The following RAB40B variants were observed in gnomAD, a reference collection of about 807,000 sequenced individuals.
RAB40B encodes the protein RAB40B, member RAS oncogene family.
In RAB40B, 21 loss-of-function variants were observed where a neutral mutation model predicts 24.0. That is an observed-to-expected ratio of 0.88 (90% CI 0.62 to 1.26). The LOEUF (loss-of-function observed/expected upper bound fraction) is 1.26. Among genes scored for constraint, RAB40B ranks in the 50% most tolerant of loss-of-function variants. The pLI, the probability that RAB40B is intolerant of heterozygous loss-of-function variation, is 0.00. For missense variants in RAB40B, 348 were observed against 390.5 expected, an observed-to-expected ratio of 0.89 and a Z score of 0.92; for synonymous variants, 167 against 169.8, an observed-to-expected ratio of 0.98 and a Z score of 0.13.
At position 82,698,689 on chromosome 17, in the gene RAB40B, G is replaced by C. The variant is rs2046639920; in HGVS notation, c.-93C>G. 7 of 994,982 alleles carry C rather than the reference G, an allele frequency of 7.0e-6. No individual in the cohort carries two copies. In the South Asian group the frequency reaches 3.2e-4, roughly 45 times the overall value. The allele number at this position is 994,982 out of a possible 1,614,324, so 61.6% of individuals were successfully genotyped here. A position where few individuals can be genotyped will look rare whatever the true frequency, so the allele number is the denominator to read the frequency against. On this transcript the variant is annotated 5_prime_UTR_variant, in exon 1 of 6. Coordinates refer to ENST00000571995, the MANE Select transcript of RAB40B (RefSeq NM_006822.3). ...CCGAGAGGCGCCGCGCGGGCCCCGA[G>C]TCCTTGCTCGCCTCCGGCCCCGCCC...
chr17:82,665,899 A>C (rs960730527), intron 1 of RAB40B, among the ~76,000 whole-genome samples: 12 of 152,024 alleles, frequency 7.9e-5, no homozygotes, highest in East Asian at 1.9e-4. Context: ...ACAAAAAAAA[A>C]AAAAAAAAAA....
chr17:82,673,820 A>G (rs1244809193), intron 1 of RAB40B, among the ~76,000 whole-genome samples: 1 of 151,984 alleles, frequency 6.6e-6, no homozygotes, highest in South Asian at 2.1e-4. Context: ...AATTTTGGGG[A>G]ACTTTCTTGG....
chr17:82,665,057 T>G (rs1423318194), intron 1 of RAB40B, among the ~76,000 whole-genome samples: 1 of 152,172 alleles, frequency 6.6e-6, no homozygotes, highest in East Asian at 1.9e-4. Context: ...AAGACAGACG[T>G]GACGCTGCGT....
intron 1 of RAB40B, among the ~76,000 whole-genome samples, chr17:82,690,325 G>T (rs752726237): frequency 6.6e-6 from 1 of 150,796 alleles, no homozygotes; most frequent in Non-Finnish European, 1.5e-5. Context: ...GTGTGCATGT[G>T]TGTTCCTGGG....
chr17:82,696,769 C>T (rs1389220335), intron 1 of RAB40B: 2 of 153,306 alleles, frequency 1.3e-5, no homozygotes, highest in East Asian at 2.0e-4. Flanking sequence ...CCTCCAGGCG[C>T]TCAATCTCCA....
At chr17:82,666,706 A>G (rs764678758) in intron 1 of RAB40B, among the ~76,000 whole-genome samples, 25 of 152,152 alleles carry the variant, frequency 1.6e-4, no homozygotes, top group Non-Finnish European at 3.1e-4. Context: ...GTTTGAGTTA[A>G]GGGGCTGGAG....
In RAB40B at chr17:82,659,632, G is replaced by A. The variant is rs1251931157; in HGVS notation, c.290C>T (p.Ala97Val). Residue 97 changes from alanine (A) to valine (V), a missense_variant, in exon 4 of 6, where the codon GCG becomes GTG. Ala to Val is a moderately conservative substitution (Grantham distance 64). Coordinates refer to ENST00000571995, the MANE Select transcript of RAB40B (RefSeq NM_006822.3). ...AQGVILVYDI[A>V]NRWSFDGIDR... The stretch of plus-strand genomic sequence containing the variant: ...AATGCCGTCAAAAGACCAGCGGTTC[G>A]CAATGTCATAGACCAGGATCACACC... The A allele has an allele frequency of 6.8e-6, 11 of 1,614,156 alleles. No individual in the cohort carries two copies. The highest frequency in any genetic ancestry group is 8.5e-6 in the Non-Finnish European group (10 of 1,180,028).
At position 82,659,846 on chromosome 17, in the gene RAB40B, A is replaced by G. The variant is rs1302330111; in HGVS notation, c.265-189T>C. 2.3e-5 allele frequency: 13 copies of G among 569,056 alleles called. No homozygotes were observed. In the East Asian group the frequency reaches 4.0e-4, roughly 18 times the overall value. 35.3% of individuals were successfully genotyped at this position (569,056 alleles called of 1,614,324 possible). A position where few individuals can be genotyped will look rare whatever the true frequency, so the allele number is the denominator to read the frequency against. ...TGATATTTCATAAGCTCAGTGATAA[A>G]CCCTCAAATGTCACGGTGATCTGGG... On this transcript the variant is annotated intron_variant, in intron 3 of 5. Coordinates refer to ENST00000571995, the MANE Select transcript of RAB40B (RefSeq NM_006822.3).
intron 1 of RAB40B, among the ~76,000 whole-genome samples, chr17:82,691,761 C>G (rs2046560329): frequency 6.6e-6 from 1 of 152,232 alleles, no homozygotes; most frequent in Admixed American, 6.5e-5. Flanking sequence ...GTTGGAAGCA[C>G]CAGCTGGGGT....
chr17:82,677,698 A>G (rs2143518778), intron 1 of RAB40B, among the ~76,000 whole-genome samples: 1 of 152,330 alleles, frequency 6.6e-6, no homozygotes, highest in South Asian at 2.1e-4. Flanking sequence ...TTCCAGGCAC[A>G]GGTGGCCTGG....
intron 1 of RAB40B, among the ~76,000 whole-genome samples, chr17:82,693,015 T>C (rs555730207): frequency 6.6e-6 from 1 of 151,988 alleles, no homozygotes. Flanking sequence ...TTTTTCTTTT[T>C]TTTTGGAGAC....
chr17:82,687,236 A>G (rs1307808996), intron 1 of RAB40B, among the ~76,000 whole-genome samples: 1 of 152,248 alleles, frequency 6.6e-6, no homozygotes, highest in Non-Finnish European at 1.5e-5. Context: ...CTTTATTTCC[A>G]GATGAATTTT....
intron 1 of RAB40B, among the ~76,000 whole-genome samples, chr17:82,695,010 G>T (rs2046594143): frequency 6.6e-6 from 1 of 151,738 alleles, no homozygotes; most frequent in African/African-American, 2.4e-5. Context: ...GGTGAGCACT[G>T]ACTGTATTTA....
At chr17:82,684,851 C>A (rs1207466469) in intron 1 of RAB40B, among the ~76,000 whole-genome samples, 1 of 152,108 alleles carries the variant, frequency 6.6e-6, no homozygotes, top group East Asian at 1.9e-4. Context: ...CGGTGGCCCA[C>A]GCCTGTAATC....
At chr17:82,685,806 CTTT>C (rs36094405) in intron 1 of RAB40B, among the ~76,000 whole-genome samples, 5,505 of 136,936 alleles carry the variant, frequency 0.04, 172 homozygotes, top group East Asian at 0.14. Flanking sequence ...TCTTCTTCTT[CTTT>C]TTTTTTTTTT....
rs2046199745 is a variant in RAB40B at position 82,663,285 on chromosome 17, C to T, written c.203+1211G>A. 6.6e-6 allele frequency among the ~76,000 whole-genome samples: 1 copy of T among 152,018 alleles called. No individual in the cohort carries two copies. The highest frequency in any genetic ancestry group is 2.4e-5 in the African/African-American group (1 of 41,358). ...AGGTAAGAGAAGGGGGTCCCAGCTG[C>T]TGGAGGCACACGTGGCTCGGGGGTG... is the stretch of plus-strand genomic sequence containing the variant. On this transcript the variant is annotated intron_variant, in intron 2 of 5. Transcript: ENST00000571995. The surrounding 1 kb of genome is among the most constrained non-coding windows in gnomAD (Gnocchi z 6.2).
intron 1 of RAB40B, among the ~76,000 whole-genome samples, chr17:82,690,816 CAG>C (rs1163886204): frequency 6.6e-6 from 1 of 151,164 alleles, no homozygotes; most frequent in Admixed American, 6.6e-5. Context: ...TCCTGGGGAA[CAG>C]AGAGTGTGCA....
intron 1 of RAB40B, among the ~76,000 whole-genome samples, chr17:82,690,482 G>A (rs1471020408): frequency 7.8e-5 from 10 of 127,736 alleles, no homozygotes; most frequent in South Asian, 2.8e-4. Context: ...GAGTGTGCAC[G>A]TGTGTTGCCG....
intron 1 of RAB40B, among the ~76,000 whole-genome samples, chr17:82,673,351 T>C (rs1252039816): frequency 6.6e-6 from 1 of 152,230 alleles, no homozygotes; most frequent in Non-Finnish European, 1.5e-5. Flanking sequence ...GGAATTTCAC[T>C]TTCTTTGGGG....
Sources: gnomAD v4.1 joint callset for allele counts (sites outside exome capture counted in the v4.1 genomes callset) on GRCh38, gnomAD v4.1.1 for gene constraint, Gnocchi (gnomAD v3.1) non-coding constraint, MANE v1.5 for transcripts, NCBI Gene and HGNC (gene_info 2026-07-23, HGNC 2026-07-21) for gene names.